MCTP1: variants seen among roughly 807,000 people sequenced by gnomAD.
MCTP1 encodes multiple C2 and transmembrane domain containing 1.
MCTP1 carries 69 observed loss-of-function variants against 120.6 expected under a neutral mutation model. The observed-to-expected ratio is 0.57, with a 90% confidence interval of 0.47 to 0.70. MCTP1 has a LOEUF of 0.70. Ranked by LOEUF, MCTP1 falls within the 30% of genes least tolerant of loss-of-function variation. The pLI, the probability that MCTP1 is intolerant of heterozygous loss-of-function variation, is 0.00. For missense variants in MCTP1, 1,203 were observed against 1,248.8 expected (o/e 0.96, Z 0.55); for synonymous variants, 529 against 493.1 (o/e 1.07, Z -0.96).
intron 1 of MCTP1, among the ~76,000 whole-genome samples, chr5:95,274,989 CA>C (rs753857923): frequency 1.3e-5 from 2 of 152,170 alleles, no homozygotes; most frequent in Non-Finnish European, 2.9e-5. Context: ...ACTGCAGCCT[CA>C]CCTTCATCTC....
intron 15 of MCTP1, 126 bp downstream of exon 15, chr5:94,870,746 A>C: frequency 1.3e-6 from 1 of 748,024 alleles, no homozygotes; most frequent in South Asian, 1.7e-5. Context: ...GCAGAAGCGT[A>C]TTCTCCAGGA....
At chr5:94,916,534 C>T (rs766190578) in intron 8 of MCTP1, among the ~76,000 whole-genome samples, 3 of 152,140 alleles carry the variant, frequency 2.0e-5, no homozygotes, top group Non-Finnish European at 4.4e-5. Context: ...ATTACTTTTA[C>T]TTATTTTCAG....
chr5:94,864,885 C>T (rs954272995), intron 17 of MCTP1, among the ~76,000 whole-genome samples: 5 of 151,744 alleles, frequency 3.3e-5, no homozygotes, highest in Admixed American at 1.3e-4. Flanking sequence ...CATGTTGCAC[C>T]CACTGACATC....
rs1199182602 is a variant in MCTP1, at chr5:95,285,091, G to T, written c.-516C>A. Among the ~76,000 whole-genome samples the T allele has an allele frequency of 6.6e-6, 1 of 152,174 alleles. No homozygotes were observed. ...GCACGCGGCTCACACAACAAGGCGC[G>T]TCTGGCTGGAGACTCCGGGGACCAG... On this transcript the variant is annotated 5_prime_UTR_variant, in exon 1 of 23. Coordinates refer to ENST00000515393, the MANE Select transcript of MCTP1 (RefSeq NM_024717.7).
At chr5:94,788,941 A>G (rs1442906424) in intron 18 of MCTP1, 1 of 152,194 alleles carries the variant, frequency 6.6e-6, no homozygotes, top group African/African-American at 2.4e-5. Flanking sequence ...CAAGATGGTG[A>G]ATTCTTTGGA....
At chr5:95,144,359 T>G (rs748252853) in intron 1 of MCTP1, among the ~76,000 whole-genome samples, 1 of 152,256 alleles carries the variant, frequency 6.6e-6, no homozygotes, top group Non-Finnish European at 1.5e-5. Flanking sequence ...ATAGGCTGTC[T>G]GCTTACTCTG....
At chr5:95,073,171 A>T (rs1257571021) in intron 1 of MCTP1, among the ~76,000 whole-genome samples, 1 of 152,010 alleles carries the variant, frequency 6.6e-6, no homozygotes, top group African/African-American at 2.4e-5. Flanking sequence ...TGAACAGCTG[A>T]TTGTTCTCTT....
At chr5:94,726,893 C>T (rs936552013) in intron 19 of MCTP1, among the ~76,000 whole-genome samples, 3 of 151,984 alleles carry the variant, frequency 2.0e-5, no homozygotes, top group African/African-American at 7.2e-5. Flanking sequence ...TGGGTCTTCC[C>T]CAAAACTAAC....
chr5:95,279,014 C>T (rs747421843), intron 1 of MCTP1, among the ~76,000 whole-genome samples: 3 of 151,164 alleles, frequency 2.0e-5, no homozygotes, highest in Non-Finnish European at 2.9e-5. Flanking sequence ...ATGCCTGCTA[C>T]GATATTATAA....
chr5:95,246,212 A>G (rs956729807), intron 1 of MCTP1, among the ~76,000 whole-genome samples: 2 of 152,222 alleles, frequency 1.3e-5, no homozygotes, highest in African/African-American at 4.8e-5. Context: ...AGTACCAGCC[A>G]CTGCAAAAAC....
chr5:94,910,146 G>T (rs1459601457), intron 9 of MCTP1, among the ~76,000 whole-genome samples: 2 of 118,630 alleles, frequency 1.7e-5, no homozygotes, highest in African/African-American at 6.0e-5. Context: ...ATATGTATGA[G>T]TATATACATA....
chr5:95,271,465 G>GAA lies in MCTP1; in HGVS notation c.720+12389_720+12390dup, dbSNP rs34340941. Among the ~76,000 whole-genome samples, 236 of 149,674 alleles carry GAA rather than the reference G, an allele frequency of 1.6e-3. 1 individual carries two copies. Among genetic ancestry groups the GAA allele is most frequent in the Middle Eastern group, 0.01 (3 of 288 alleles). On this transcript the variant is annotated intron_variant, in intron 1 of 22. Transcript: ENST00000515393. ...AAAAGTATTTCTCTTCCTCAAATTA[G>GAA]AAAAAAAAAATGAACTATATCAATA...
At chr5:95,121,975 C>A (rs1456718733) in intron 1 of MCTP1, among the ~76,000 whole-genome samples, 1 of 149,942 alleles carries the variant, frequency 6.7e-6, no homozygotes, top group Non-Finnish European at 1.5e-5. Flanking sequence ...ACTCCTATCT[C>A]TCACCATATA....
intron 1 of MCTP1, among the ~76,000 whole-genome samples, chr5:95,183,561 T>G (rs1019611556): frequency 6.6e-6 from 1 of 152,072 alleles, no homozygotes; most frequent in Non-Finnish European, 1.5e-5. Context: ...GAATTTGAAA[T>G]ACATATATCT....
At chr5:95,017,292 G>T in intron 2 of MCTP1, 75 bp downstream of exon 2, 1 of 747,014 alleles carries the variant, frequency 1.3e-6, no homozygotes, top group Non-Finnish European at 2.1e-6. Context: ...TATAACTCAG[G>T]CAATCACGTG....
intron 19 of MCTP1, among the ~76,000 whole-genome samples, chr5:94,762,678 C>G (rs981529197): frequency 1.3e-5 from 2 of 152,200 alleles, no homozygotes; most frequent in African/African-American, 4.8e-5. Flanking sequence ...ACAGGCTTTG[C>G]TAAAACATCT....
intron 17 of MCTP1, among the ~76,000 whole-genome samples, chr5:94,805,531 G>C (rs1221021640): frequency 9.2e-5 from 14 of 152,052 alleles, no homozygotes; most frequent in Admixed American, 9.2e-4. Flanking sequence ...AGGAGGTTGA[G>C]GCAGGAGGAA....
intron 3 of MCTP1, among the ~76,000 whole-genome samples, chr5:94,943,922 G>A (rs2153512456): frequency 2.0e-5 from 3 of 152,168 alleles, no homozygotes; most frequent in South Asian, 4.1e-4. Context: ...TGGGCCTTTG[G>A]TTGCTCCAGG....
At chr5:95,117,316 G>A (rs377390839) in intron 1 of MCTP1, among the ~76,000 whole-genome samples, 7 of 150,252 alleles carry the variant, frequency 4.7e-5, no homozygotes, top group South Asian at 2.1e-4. Flanking sequence ...GCATGAACCC[G>A]GGAGGCAGAG....
Sources: gnomAD v4.1 joint callset for allele counts (sites outside exome capture counted in the v4.1 genomes callset) on GRCh38, gnomAD v4.1.1 for gene constraint, MANE v1.5 for transcripts, NCBI Gene and HGNC (gene_info 2026-07-23, HGNC 2026-07-21) for gene names.